Variants in METAP1D observed in about 807,000 individuals in gnomAD.
METAP1D encodes the protein methionine aminopeptidase 1D, mitochondrial.
In METAP1D, 31 loss-of-function variants were observed where a neutral mutation model predicts 40.5. The observed-to-expected ratio is 0.77, with a 90% CI of 0.58 to 1.03. The LOEUF is 1.03. METAP1D is among the 50% of genes least tolerant of loss of function. The probability of loss-of-function intolerance (pLI) is 0.00; values close to 1 mark genes in which losing one functional copy is unlikely to be tolerated. For synonymous variants in METAP1D, 151 were observed against 146.4 expected, an observed-to-expected ratio of 1.03 and a Z score of -0.22; for missense variants, 411 against 420.7, an observed-to-expected ratio of 0.98 and a Z score of 0.20.
intron 7 of METAP1D, among the ~76,000 whole-genome samples, chr2:172,078,231 CAT>C (rs1434046433): frequency 1.3e-5 from 2 of 152,218 alleles, no homozygotes; most frequent in Non-Finnish European, 2.9e-5. Flanking sequence ...GCAGCATGCA[CAT>C]ATGACTGTTT....
chr2:172,077,710 A>G, intron 6 of METAP1D, 87 bp from the exon 7 acceptor site: 1 of 606,028 alleles, frequency 1.7e-6, no homozygotes, highest in Non-Finnish European at 2.9e-6. Context: ...TCTTTTTCAG[A>G]GAATATTTTA....
chr2:172,041,744 A>T (rs1318944887), intron 1 of METAP1D, among the ~76,000 whole-genome samples: 1 of 81,594 alleles, frequency 1.2e-5, no homozygotes, highest in South Asian at 4.7e-4. Context: ...ATATATATAT[A>T]TATATATATA....
At chr2:172,032,421 T>C (rs1417338148) in intron 1 of METAP1D, among the ~76,000 whole-genome samples, 3 of 152,212 alleles carry the variant, frequency 2.0e-5, no homozygotes, top group Non-Finnish European at 4.4e-5. Context: ...TCTAGATAGA[T>C]ACTTTATGTA....
intron 1 of METAP1D, among the ~76,000 whole-genome samples, chr2:172,040,216 A>C (rs1289217047): frequency 1.3e-5 from 2 of 152,082 alleles, no homozygotes; most frequent in African/African-American, 2.4e-5. Context: ...TCAGCCTCCC[A>C]AAGTGCTGGG....
chr2:172,069,357 ATTC>A (rs1229912238), intron 5 of METAP1D, among the ~76,000 whole-genome samples: 1 of 152,210 alleles, frequency 6.6e-6, no homozygotes, highest in African/African-American at 2.4e-5. Context: ...CAAATTTTAT[ATTC>A]TTGTATTTTG....
At chr2:172,036,046 G>A (rs1410316761) in intron 1 of METAP1D, among the ~76,000 whole-genome samples, 1 of 151,992 alleles carries the variant, frequency 6.6e-6, no homozygotes, top group Admixed American at 6.5e-5. Flanking sequence ...GGCTGGGCAT[G>A]ATGGTTCATG....
chr2:172,078,090 G>C (rs1690592776), intron 7 of METAP1D, among the ~76,000 whole-genome samples, 196 bp downstream of exon 7: 1 of 152,072 alleles, frequency 6.6e-6, no homozygotes. Context: ...TTAGAGCCCA[G>C]CTGTTTCAAT....
At chr2:172,004,229 A>G (rs1389279616) in intron 1 of METAP1D, among the ~76,000 whole-genome samples, 1 of 152,146 alleles carries the variant, frequency 6.6e-6, no homozygotes, top group Admixed American at 6.5e-5. Context: ...ATCATGAGTT[A>G]AGTACTTTAA....
intron 7 of METAP1D, among the ~76,000 whole-genome samples, chr2:172,078,116 A>C (rs571666182): frequency 6.6e-6 from 1 of 152,016 alleles, no homozygotes; most frequent in Admixed American, 6.5e-5. Context: ...AATAAGGTTT[A>C]TTTTGCTCTC....
At chr2:172,075,836 G>A (rs1356543588) in intron 6 of METAP1D, among the ~76,000 whole-genome samples, 1 of 152,160 alleles carries the variant, frequency 6.6e-6, no homozygotes, top group Non-Finnish European at 1.5e-5. Flanking sequence ...AGGGAACTGG[G>A]GGAAATTTGG....
intron 1 of METAP1D, among the ~76,000 whole-genome samples, chr2:172,002,016 G>C (rs1688476566): frequency 7.1e-6 from 1 of 141,008 alleles, no homozygotes; most frequent in Non-Finnish European, 1.5e-5. Flanking sequence ...GGGATCGCCT[G>C]AACCCAGGAG....
intron 1 of METAP1D, among the ~76,000 whole-genome samples, chr2:172,043,028 T>C (rs1689648479): frequency 1.3e-5 from 1 of 78,038 alleles, no homozygotes; most frequent in African/African-American, 3.3e-5. Flanking sequence ...CACATATATG[T>C]GTATATGTGT....
At chr2:172,053,056 A>C (rs1689919720) in intron 1 of METAP1D, among the ~76,000 whole-genome samples, 1 of 152,258 alleles carries the variant, frequency 6.6e-6, no homozygotes, top group South Asian at 2.1e-4. Flanking sequence ...TTAGTACTAG[A>C]TTATAAAAAT....
In METAP1D at chr2:172,042,782, T is replaced by C. The variant is rs1215703522; in HGVS notation, c.41-18716T>C. Among the ~76,000 whole-genome samples, 2 of 46,120 alleles carry C rather than the reference T, an allele frequency of 4.3e-5. 1 individual carries two copies. The highest frequency in any genetic ancestry group is 8.4e-5 in the Non-Finnish European group (2 of 23,930). The allele number at this position is 46,120 out of a possible 152,430, so 30.3% of individuals were successfully genotyped here. On this transcript the variant is annotated intron_variant, in intron 1 of 9. Transcript: ENST00000315796. ...ATACGTGTGTGTGTATATGTACACA[T>C]ATACGTGTGTGTGTGTATATGTACA...
Position 172,042,847 on chromosome 2 carries a change from G to GTATA in METAP1D, c.41-18650_41-18649insATAT, listed in dbSNP as rs1689625756. ...TGTATATGTACACATATACGTGTGT[G>GTATA]TGTATATATGTACATATATGTGTAT... On this transcript the variant is annotated intron_variant, in intron 1 of 9. Transcript: ENST00000315796. 1.7e-4 allele frequency among the ~76,000 whole-genome samples: 8 copies of GTATA among 47,554 alleles called. 4 individuals are homozygous for GTATA. The highest frequency in any genetic ancestry group is 2.6e-4 in the Non-Finnish European group (6 of 22,926). The allele number at this position is 47,554 out of a possible 152,430, so 31.2% of individuals were successfully genotyped here. A position where few individuals can be genotyped will look rare whatever the true frequency, so the allele number is the denominator to read the frequency against.
At chr2:172,052,161 C>G (rs1344701490) in intron 1 of METAP1D, among the ~76,000 whole-genome samples, 1 of 152,204 alleles carries the variant, frequency 6.6e-6, no homozygotes, top group Non-Finnish European at 1.5e-5. Flanking sequence ...CCAACTGGGC[C>G]TGCATCCTCT....
chr2:172,076,955 C>T (rs1343038958), intron 6 of METAP1D, among the ~76,000 whole-genome samples: 1 of 152,184 alleles, frequency 6.6e-6, no homozygotes, highest in Non-Finnish European at 1.5e-5. Context: ...ATTTCAAGGA[C>T]TACTTTTCAA....
intron 5 of METAP1D, 110 bp downstream of exon 5, chr2:172,066,416 C>G (rs1439178715): frequency 3.5e-6 from 3 of 851,770 alleles, no homozygotes; most frequent in African/African-American, 3.5e-5. Flanking sequence ...CTGTTTACTT[C>G]TAGACCCAGA....
intron 1 of METAP1D, among the ~76,000 whole-genome samples, chr2:172,059,780 G>A (rs528756000): frequency 6.6e-5 from 10 of 152,302 alleles, no homozygotes; most frequent in African/African-American, 2.2e-4. Flanking sequence ...GGCCAGGCGC[G>A]GTGGCTACGC....
Sources: allele counts gnomAD v4.1 joint callset (sites outside exome capture counted in the v4.1 genomes callset), GRCh38; gene constraint gnomAD v4.1.1; transcripts MANE v1.5; gene names NCBI Gene and HGNC (gene_info 2026-07-23, HGNC 2026-07-21).